OR52N4: variants seen among roughly 807,000 people sequenced by gnomAD.
The protein encoded by OR52N4 is olfactory receptor 52N4.
A neutral mutation model predicts 15.0 loss-of-function variants in OR52N4; 15 were observed. The observed-to-expected ratio is 1.00, with a 90% CI of 0.67 to 1.54. The LOEUF (loss-of-function observed/expected upper bound fraction) is 1.54. OR52N4 is among the 40% of genes most tolerant of loss of function. The probability of loss-of-function intolerance (pLI) is 0.00; values close to 1 mark genes in which losing one functional copy is unlikely to be tolerated. For missense variants in OR52N4, 421 were observed against 394.0 expected (o/e 1.07, Z -0.58); for synonymous variants, 143 against 143.7 (o/e 1.00, Z 0.03).
upstream of OR52N4, among the ~76,000 whole-genome samples, chr11:5,750,513 A>G (rs901922274): frequency 7.9e-5 from 12 of 152,018 alleles, no homozygotes; most frequent in African/African-American, 2.9e-4. Flanking sequence ...TTAAAGTGAG[A>G]TGGAGAAAAG....
the OR52N4 span, among the ~76,000 whole-genome samples, chr11:5,742,475 G>A: frequency 6.6e-6 from 1 of 152,072 alleles, no homozygotes; most frequent in Non-Finnish European, 1.5e-5. Context: ...AGCAAAAGAG[G>A]CACATCAAAA....
chr11:5,746,071 T>C, the OR52N4 span, among the ~76,000 whole-genome samples: 20 of 152,132 alleles, frequency 1.3e-4, no homozygotes, highest in African/African-American at 3.9e-4. Flanking sequence ...CACTATTCAA[T>C]AAATGGTGCT....
chr11:5,746,200 C>T, the OR52N4 span, among the ~76,000 whole-genome samples: 3 of 151,984 alleles, frequency 2.0e-5, no homozygotes, highest in South Asian at 2.1e-4. Context: ...TATAAATATC[C>T]TAGAAGAAAA....
chr11:5,747,502 T>C, the OR52N4 span, among the ~76,000 whole-genome samples: 3 of 152,024 alleles, frequency 2.0e-5, no homozygotes, highest in Non-Finnish European at 4.4e-5. Context: ...ATTTAGCCTT[T>C]CCACAATGTA....
chr11:5,755,189 C>A lies in OR52N4; in HGVS notation c.449C>A (p.Thr150Asn), dbSNP rs769681329. The change falls in exon 2 of 2, where the codon ACC (threonine) becomes AAC (asparagine). Residue 150 changes from threonine (T) to asparagine (N), a missense_variant. Transcript: ENST00000641350. ...NPVIAKVGTATFLRGVLLIIP... is the reference protein window; with the variant it reads ...NPVIAKVGTANFLRGVLLIIP... ...GTAATTGCAAAGGTTGGGACTGCCA[C>A]CTTCCTGAGAGGGGTATTACTCATT... 1.9e-5 allele frequency: 31 copies of A among 1,613,954 alleles called. No homozygotes were observed. Among genetic ancestry groups the A allele is most frequent in the Non-Finnish European group, 2.3e-5 (27 of 1,179,992 alleles).
At chr11:5,729,114 A>ATATTCTTTTT in the OR52N4 span, among the ~76,000 whole-genome samples, 41 of 82,908 alleles carry the variant, frequency 4.9e-4, 2 homozygotes, top group African/African-American at 1.4e-3. Context: ...TTAAATTGAG[A>ATATTCTTTTT]TTTTTTTTTT....
the OR52N4 span, among the ~76,000 whole-genome samples, chr11:5,748,337 CAT>C: frequency 5.3e-5 from 8 of 151,480 alleles, no homozygotes; most frequent in South Asian, 2.1e-4. Flanking sequence ...TTCAAGTTAG[CAT>C]ATGTTATTAT....
At chr11:5,751,503 T>C (rs1854190602), upstream of OR52N4, among the ~76,000 whole-genome samples, 1 of 152,102 alleles carries the variant, frequency 6.6e-6, no homozygotes, top group Non-Finnish European at 1.5e-5. Flanking sequence ...AATATTAGGT[T>C]GGTGCAAAAG....
the OR52N4 span, among the ~76,000 whole-genome samples, chr11:5,740,805 A>G: frequency 7.9e-5 from 10 of 126,178 alleles, 3 homozygotes; most frequent in African/African-American, 2.9e-4. Context: ...GTAAGCCAAG[A>G]TGGAACCACT....
chr11:5,738,692 A>G, the OR52N4 span, among the ~76,000 whole-genome samples: 3 of 152,220 alleles, frequency 2.0e-5, no homozygotes, highest in African/African-American at 4.8e-5. Flanking sequence ...TCAGATATAA[A>G]GACACTGCAG....
chr11:5,726,690 T>G, the OR52N4 span: 4 of 152,658 alleles, frequency 2.6e-5, no homozygotes, highest in African/African-American at 4.8e-5. Context: ...CCTGTGTACC[T>G]TTTTCTGTGC....
the OR52N4 span, among the ~76,000 whole-genome samples, chr11:5,747,559 G>C: frequency 6.6e-6 from 1 of 151,612 alleles, no homozygotes; most frequent in Non-Finnish European, 1.5e-5. Context: ...ACATCGTGTT[G>C]TACATGATAA....
chr11:5,743,194 G>A, the OR52N4 span, among the ~76,000 whole-genome samples: 8 of 152,070 alleles, frequency 5.3e-5, no homozygotes, highest in South Asian at 2.1e-4. Flanking sequence ...TGACAATTCT[G>A]AACATATATG....
the OR52N4 span, among the ~76,000 whole-genome samples, chr11:5,745,469 T>C: frequency 6.6e-6 from 1 of 151,948 alleles, no homozygotes; most frequent in Admixed American, 6.6e-5. Context: ...AAATATACAA[T>C]ACCTAGGAAT....
chr11:5,732,289 T>C, the OR52N4 span, among the ~76,000 whole-genome samples: 4 of 152,198 alleles, frequency 2.6e-5, no homozygotes, highest in Non-Finnish European at 5.9e-5. Context: ...AACTTCCAAC[T>C]TCTGCCCTAC....
At chr11:5,734,010 G>C in the OR52N4 span, among the ~76,000 whole-genome samples, 2 of 152,134 alleles carry the variant, frequency 1.3e-5, no homozygotes, top group South Asian at 4.1e-4. Flanking sequence ...TTTCTCTATA[G>C]GTCTTTCATC....
the OR52N4 span, chr11:5,736,441 A>T: frequency 1.6e-6 from 2 of 1,282,128 alleles, no homozygotes; most frequent in Non-Finnish European, 2.2e-6. Flanking sequence ...AAATACTACA[A>T]TTTTATTTCT....
the OR52N4 span, among the ~76,000 whole-genome samples, chr11:5,729,702 CAATAA>C: frequency 6.6e-6 from 1 of 152,080 alleles, no homozygotes. Context: ...TTATGATTTA[CAATAA>C]TAAGTTTATA....
At chr11:5,741,358 C>G in the OR52N4 span, among the ~76,000 whole-genome samples, 5 of 152,152 alleles carry the variant, frequency 3.3e-5, no homozygotes, top group African/African-American at 1.2e-4. Flanking sequence ...GGTCAGAATT[C>G]CTGGAGATGG....
Sources: allele counts gnomAD v4.1 joint callset (sites outside exome capture counted in the v4.1 genomes callset), GRCh38; gene constraint gnomAD v4.1.1; transcripts MANE v1.5; gene names NCBI Gene and HGNC (gene_info 2026-07-23, HGNC 2026-07-21).